PTPRO: variants seen among roughly 807,000 people sequenced by gnomAD.
The protein encoded by PTPRO is receptor-type tyrosine-protein phosphatase O.
A neutral mutation model predicts 145.2 loss-of-function variants in PTPRO; 62 were observed. The observed-to-expected ratio is 0.43, with a 90% CI of 0.35 to 0.53. The LOEUF is 0.53. PTPRO is among the 20% of genes least tolerant of loss of function. The pLI is 0.01. For missense variants in PTPRO, 1,345 were observed against 1,482.7 expected (o/e 0.91, Z 1.53); for synonymous variants, 565 against 514.7 (o/e 1.10, Z -1.32).
chr12:15,529,320 C>G (rs1942908899), intron 12 of PTPRO, among the ~76,000 whole-genome samples: 2 of 151,962 alleles, frequency 1.3e-5, no homozygotes, highest in Admixed American at 6.6e-5. Flanking sequence ...TGTTTCTATT[C>G]TTTTGCTCAT....
intron 17 of PTPRO, among the ~76,000 whole-genome samples, chr12:15,561,270 C>T (rs974104045): frequency 1.3e-5 from 2 of 151,832 alleles, no homozygotes; most frequent in Non-Finnish European, 2.9e-5. Context: ...GGTGGTGGTG[C>T]GGGTATGAAA....
chr12:15,392,828 G>A (rs1939227870), intron 1 of PTPRO, among the ~76,000 whole-genome samples: 1 of 151,608 alleles, frequency 6.6e-6, no homozygotes, highest in Admixed American at 6.6e-5. Flanking sequence ...GCCCCATCCT[G>A]CTAGCACTGG....
intron 1 of PTPRO, among the ~76,000 whole-genome samples, chr12:15,401,531 C>T (rs1490528942): frequency 6.6e-6 from 1 of 152,192 alleles, no homozygotes; most frequent in Non-Finnish European, 1.5e-5. Flanking sequence ...CATAAGTTTG[C>T]ATTCTTTCAG....
At chr12:15,537,739 A>G (rs1943094177) in intron 12 of PTPRO, among the ~76,000 whole-genome samples, 1 of 152,190 alleles carries the variant, frequency 6.6e-6, no homozygotes, top group Non-Finnish European at 1.5e-5. Flanking sequence ...TGATCCAACA[A>G]AACAGAGAAA....
intron 2 of PTPRO, among the ~76,000 whole-genome samples, chr12:15,489,645 G>A (rs1302700906): frequency 6.6e-5 from 10 of 152,254 alleles, no homozygotes; most frequent in African/African-American, 2.4e-4. Context: ...AGCCATCTTG[G>A]TTTTGGTGGG....
At chr12:15,416,250 G>A (rs570793596) in intron 1 of PTPRO, among the ~76,000 whole-genome samples, 2 of 151,442 alleles carry the variant, frequency 1.3e-5, no homozygotes, top group African/African-American at 4.9e-5. Flanking sequence ...TGAGTTTCAA[G>A]CCTAATGTTT....
At chr12:15,419,922 T>C (rs1190915680) in intron 1 of PTPRO, among the ~76,000 whole-genome samples, 1 of 150,026 alleles carries the variant, frequency 6.7e-6, no homozygotes, top group Non-Finnish European at 1.5e-5. Flanking sequence ...CTGAGGTGGG[T>C]GGATCACGAG....
chr12:15,553,678 T>G (rs1406714466), intron 15 of PTPRO, among the ~76,000 whole-genome samples: 1 of 152,188 alleles, frequency 6.6e-6, no homozygotes, highest in African/African-American at 2.4e-5. Context: ...GAGCAGAAGA[T>G]TAACAGCATC....
At chr12:15,553,435 G>A (rs1446894967) in intron 15 of PTPRO, among the ~76,000 whole-genome samples, 1 of 152,150 alleles carries the variant, frequency 6.6e-6, no homozygotes, top group African/African-American at 2.4e-5. Context: ...AGCACATGAG[G>A]GAGGTAGCCT....
At chr12:15,496,780 T>A (rs1230140910) in intron 2 of PTPRO, among the ~76,000 whole-genome samples, 3 of 152,218 alleles carry the variant, frequency 2.0e-5, no homozygotes, top group Non-Finnish European at 4.4e-5. Flanking sequence ...AATGATCATA[T>A]AACTATCATT....
intron 8 of PTPRO, among the ~76,000 whole-genome samples, chr12:15,515,871 G>T (rs1942565977): frequency 6.6e-6 from 1 of 151,666 alleles, no homozygotes; most frequent in Admixed American, 6.6e-5. Flanking sequence ...CAAGAGTAAA[G>T]CTGTGTGCCG....
At chr12:15,456,311 G>A (rs1941176243) in intron 1 of PTPRO, among the ~76,000 whole-genome samples, 1 of 152,014 alleles carries the variant, frequency 6.6e-6, no homozygotes, top group South Asian at 2.1e-4. Context: ...TGCATCCCAG[G>A]GATAAATCTC....
At chr12:15,522,364 G>T (rs1369204072) in intron 10 of PTPRO, among the ~76,000 whole-genome samples, 3 of 151,500 alleles carry the variant, frequency 2.0e-5, no homozygotes, top group Non-Finnish European at 4.4e-5. Context: ...CTGTCATCTA[G>T]GTTTTAAGCC....
intron 1 of PTPRO, among the ~76,000 whole-genome samples, chr12:15,449,179 T>C (rs1940985207): frequency 1.3e-5 from 2 of 151,332 alleles, no homozygotes; most frequent in South Asian, 4.2e-4. Context: ...CAGAAACAAC[T>C]AGAATGGTTA....
intron 1 of PTPRO, among the ~76,000 whole-genome samples, chr12:15,458,254 A>G (rs1478151679): frequency 6.6e-6 from 1 of 152,100 alleles, no homozygotes; most frequent in Non-Finnish European, 1.5e-5. Context: ...TGTATGTGAT[A>G]AGTCATTTTT....
intron 1 of PTPRO, among the ~76,000 whole-genome samples, chr12:15,395,402 G>T (rs1251189523): frequency 1.3e-5 from 2 of 151,968 alleles, no homozygotes; most frequent in African/African-American, 2.4e-5. Flanking sequence ...GATTGGGATG[G>T]TATTAATATG....
intron 3 of PTPRO, among the ~76,000 whole-genome samples, chr12:15,498,884 C>T (rs1442965166): frequency 1.3e-5 from 2 of 151,968 alleles, no homozygotes; most frequent in African/African-American, 4.8e-5. Context: ...GTTTTGTTCT[C>T]TCATTTCTTT....
chr12:15,592,045 T>C (rs987445868), intron 25 of PTPRO, among the ~76,000 whole-genome samples: 2 of 152,214 alleles, frequency 1.3e-5, no homozygotes, highest in Non-Finnish European at 2.9e-5. Flanking sequence ...CCCGCAGGAC[T>C]TCCTGGTGGA....
intron 1 of PTPRO, among the ~76,000 whole-genome samples, chr12:15,420,128 A>C (rs1048525197): frequency 3.6e-5 from 5 of 140,042 alleles, no homozygotes; most frequent in Admixed American, 1.4e-4. Context: ...GCCTGGGCGA[A>C]AGAGCGAGAC....
Sources: allele counts gnomAD v4.1 joint callset (sites outside exome capture counted in the v4.1 genomes callset), GRCh38; gene constraint gnomAD v4.1.1; transcripts MANE v1.5; gene names NCBI Gene and HGNC (gene_info 2026-07-23, HGNC 2026-07-21).